Variants in ATP10A observed in about 807,000 individuals in gnomAD.
ATP10A encodes the protein phospholipid-transporting ATPase VA.
In ATP10A, 111 loss-of-function variants were observed where a neutral mutation model predicts 147.8. That is an observed-to-expected ratio of 0.75 (90% CI 0.64 to 0.88). The LOEUF (loss-of-function observed/expected upper bound fraction) is 0.88, where lower values mean the gene tolerates loss of function less well. Among genes scored for constraint, ATP10A ranks in the 40% least tolerant of loss-of-function variants. The pLI, the probability that ATP10A is intolerant of heterozygous loss-of-function variation, is 0.00. For missense variants in ATP10A, 1,927 were observed against 1,959.0 expected (o/e 0.98, Z 0.31); for synonymous variants, 875 against 841.6 (o/e 1.04, Z -0.69).
chr15:25,777,352 G>A (rs930034885), intron 2 of ATP10A, among the ~76,000 whole-genome samples: 15 of 152,182 alleles, frequency 9.9e-5, no homozygotes, highest in South Asian at 2.1e-4. Flanking sequence ...CTCCAGCAGC[G>A]TCCAGCAACT....
intron 2 of ATP10A, among the ~76,000 whole-genome samples, chr15:25,780,174 C>T (rs773807564): frequency 7.9e-5 from 12 of 152,254 alleles, no homozygotes; most frequent in Admixed American, 5.2e-4. Flanking sequence ...GGGCTGGTGC[C>T]GAGGCCGATG....
chr15:25,864,613 G>A (rs1476019104), upstream of ATP10A, among the ~76,000 whole-genome samples: 1 of 152,200 alleles, frequency 6.6e-6, no homozygotes, highest in Admixed American at 6.5e-5. Flanking sequence ...GTGGTGACAG[G>A]TGTGAAGAAA....
chr15:25,739,754 C>T (rs1051486851), intron 2 of ATP10A, among the ~76,000 whole-genome samples: 2 of 152,186 alleles, frequency 1.3e-5, no homozygotes, highest in Non-Finnish European at 2.9e-5. Flanking sequence ...AATATCTCAC[C>T]GGCAAGAAAG....
rs991321402 is a variant in ATP10A at position 25,716,650 on chromosome 15, G to A, written c.1776+80C>T. 24 of 1,348,218 alleles carry A rather than the reference G, an allele frequency of 1.8e-5. No individual in the cohort carries two copies. The Admixed American group carries it at 2.0e-4, about 11-fold the overall frequency. The allele number at this position is 1,348,218 out of a possible 1,614,324, so 83.5% of individuals were successfully genotyped here. A position where few individuals can be genotyped will look rare whatever the true frequency, so the allele number is the denominator to read the frequency against. On this transcript the variant is annotated intron_variant, in intron 9 of 20. Coordinates refer to ENST00000555815, the MANE Select transcript of ATP10A (RefSeq NM_024490.4). Reference sequence around the variant, plus strand: ...CGCTTGCTGCAGGAAAGGGAAGGGCGCCTGCCCTCAGGAGGACTGACAACC... The same window carrying A: ...CGCTTGCTGCAGGAAAGGGAAGGGCACCTGCCCTCAGGAGGACTGACAACC...
Position 25,815,234 on chromosome 15 carries a change from T to C in ATP10A, c.450-34011A>G, listed in dbSNP as rs552823282. 2.0e-5 allele frequency among the ~76,000 whole-genome samples: 3 copies of C among 152,274 alleles called. No individual in the cohort carries two copies. The South Asian group carries it at 6.2e-4, about 32-fold the overall frequency. On this transcript the variant is annotated intron_variant, in intron 1 of 20. Coordinates refer to ENST00000555815, the MANE Select transcript of ATP10A (RefSeq NM_024490.4). ...CTACTCACTTAAACAACCCAGTTAGTTGAAATTACTGATAAAGGGAGATCA... is the reference window on the plus strand; with the variant it reads ...CTACTCACTTAAACAACCCAGTTAGCTGAAATTACTGATAAAGGGAGATCA...
At chr15:25,795,174 T>G (rs1247968997) in intron 1 of ATP10A, among the ~76,000 whole-genome samples, 3 of 152,128 alleles carry the variant, frequency 2.0e-5, no homozygotes, top group African/African-American at 4.8e-5. Context: ...CGCGCAAGCA[T>G]ACAACAATGA....
intron 5 of ATP10A, among the ~76,000 whole-genome samples, chr15:25,725,504 T>C (rs1344413884): frequency 6.6e-6 from 1 of 152,202 alleles, no homozygotes; most frequent in Non-Finnish European, 1.5e-5. Context: ...GGCGTTTCCA[T>C]GTGGCCTGTG....
chr15:25,798,714 C>T (rs1890799747), intron 1 of ATP10A, among the ~76,000 whole-genome samples: 1 of 152,212 alleles, frequency 6.6e-6, no homozygotes, highest in Admixed American at 6.5e-5. Context: ...GTCTCCACGG[C>T]TGAGTGAACT....
At chr15:25,720,606 A>G (rs1474724517) in intron 7 of ATP10A, among the ~76,000 whole-genome samples, 2 of 152,184 alleles carry the variant, frequency 1.3e-5, no homozygotes, top group East Asian at 3.9e-4. Context: ...AGGAGAAGGG[A>G]AAAAGAGAGG....
At chr15:25,725,882 T>A in intron 5 of ATP10A, 69 bp downstream of exon 5, 1 of 1,517,338 alleles carries the variant, frequency 6.6e-7, no homozygotes, top group Admixed American at 1.8e-5. Context: ...CCTCCCAAAG[T>A]GCTAGGATTA....
At chr15:25,805,602 C>T (rs8038949) in intron 1 of ATP10A, among the ~76,000 whole-genome samples, 33,688 of 152,076 alleles carry the variant, frequency 0.22, 3,795 homozygotes, top group African/African-American at 0.26. Context: ...TCTCATTCCT[C>T]TCTGGCACTT....
chr15:25,683,887 C>G (rs988370497), intron 16 of ATP10A: 1 of 190,628 alleles, frequency 5.2e-6, no homozygotes, highest in Non-Finnish European at 1.1e-5. Flanking sequence ...AGTGGCCCTC[C>G]TCTGTCTGTG....
intron 7 of ATP10A, 52 bp downstream of exon 7, chr15:25,721,605 G>C: frequency 1.9e-6 from 3 of 1,572,564 alleles, no homozygotes; most frequent in Non-Finnish European, 2.6e-6. Context: ...ATTCTGGATA[G>C]GGCAGCTTTC....
At chr15:25,793,152 T>C (rs1567388490) in intron 1 of ATP10A, among the ~76,000 whole-genome samples, 1 of 152,282 alleles carries the variant, frequency 6.6e-6, no homozygotes, top group African/African-American at 2.4e-5. Context: ...ATTACAGGCA[T>C]GAGCCACTGC....
chr15:25,848,912 C>T (rs1051967926), intron 1 of ATP10A: 3 of 153,604 alleles, frequency 2.0e-5, no homozygotes, highest in African/African-American at 4.8e-5. Flanking sequence ...ATGGGGCTGA[C>T]AGGTCAGGAG....
At position 25,708,000 on chromosome 15, in the gene ATP10A, G is replaced by A; in HGVS notation, c.2551C>T (p.Leu851=). ...EELLFQSAIR[L]ETNLHLLGAT... ...CCTAACAAGTGCAGGTTGGTCTCCA[G>A]GCGAATGGCAGACTGGAAGAGGAGC... The change falls in exon 12 of 21, where the codon CTG becomes TTG. Residue 851 remains leucine, a synonymous_variant. Transcript: ENST00000555815. 6.2e-7 allele frequency: 1 copy of A among 1,614,212 alleles called. No homozygotes were observed. The highest frequency in any genetic ancestry group is 8.5e-7 in the Non-Finnish European group (1 of 1,180,044).
intron 12 of ATP10A, 87 bp from the exon 13 acceptor site, chr15:25,702,187 A>G: frequency 1.5e-6 from 2 of 1,366,170 alleles, no homozygotes; most frequent in Non-Finnish European, 1.0e-6. Flanking sequence ...CACCAGATAC[A>G]CCGAAGGCAG....
intron 3 of ATP10A, among the ~76,000 whole-genome samples, chr15:25,733,478 C>G (rs568364958): frequency 1.3e-5 from 2 of 152,154 alleles, no homozygotes; most frequent in Admixed American, 6.5e-5. Context: ...CCCCTTCAGG[C>G]TGATGGTCCG....
intron 1 of ATP10A, among the ~76,000 whole-genome samples, chr15:25,798,349 G>A (rs927642067): frequency 6.6e-6 from 1 of 152,170 alleles, no homozygotes; most frequent in African/African-American, 2.4e-5. Flanking sequence ...GCTGGGAGGC[G>A]TGGGGGAAAC....
Sources: gnomAD v4.1 joint callset for allele counts (sites outside exome capture counted in the v4.1 genomes callset) on GRCh38, gnomAD v4.1.1 for gene constraint, MANE v1.5 for transcripts, NCBI Gene and HGNC (gene_info 2026-07-23, HGNC 2026-07-21) for gene names.